Variants in NIBAN2 observed in about 807,000 individuals in gnomAD.
NIBAN2 encodes the protein niban apoptosis regulator 2, also known as protein Niban 2.
NIBAN2 carries 36 observed loss-of-function variants against 81.8 expected under a neutral mutation model. The ratio of observed to expected loss-of-function variants is 0.44; its 90% CI spans 0.34 to 0.58. NIBAN2 has a LOEUF of 0.58. Among genes scored for constraint, NIBAN2 ranks in the 20% least tolerant of loss-of-function variants. NIBAN2 has a pLI of 0.02. For synonymous variants in NIBAN2, 445 were observed against 441.6 expected, an observed-to-expected ratio of 1.01 and a Z score of -0.10; for missense variants, 897 against 1,014.1, an observed-to-expected ratio of 0.88 and a Z score of 1.57.
At chr9:127,569,298 C>T (rs1321197130), upstream of NIBAN2, among the ~76,000 whole-genome samples, 1 of 149,750 alleles carries the variant, frequency 6.7e-6, no homozygotes, top group East Asian at 2.0e-4. Flanking sequence ...CTCCGGCGGG[C>T]GGGGCACAGG....
At chr9:127,574,666 G>GA (rs1049671322) in intron 1 of NIBAN2, among the ~76,000 whole-genome samples, 9 of 151,732 alleles carry the variant, frequency 5.9e-5, no homozygotes, top group East Asian at 1.9e-4. Flanking sequence ...TAGACCAGGA[G>GA]AAAAAAAACA....
intron 1 of NIBAN2, among the ~76,000 whole-genome samples, chr9:127,567,696 G>T (rs897585465): frequency 6.6e-5 from 10 of 152,318 alleles, no homozygotes; most frequent in Non-Finnish European, 1.3e-4. Flanking sequence ...AAGTGCAGGC[G>T]GACGCGGTGC....
chr9:127,565,946 T>TCTCTCTCACACA (rs751937125), intron 1 of NIBAN2, among the ~76,000 whole-genome samples: 17 of 130,616 alleles, frequency 1.3e-4, no homozygotes, highest in African/African-American at 4.8e-4. Flanking sequence ...TCTCTCTCTC[T>TCTCTCTCACACA]CACACACACA....
At chr9:127,539,570 C>A (rs1479949665) in intron 1 of NIBAN2, among the ~76,000 whole-genome samples, 1 of 152,206 alleles carries the variant, frequency 6.6e-6, no homozygotes, top group Non-Finnish European at 1.5e-5. Context: ...CTTCTTCATC[C>A]TCACTGGGCC....
chr9:127,512,475 C>T (rs916525234), intron 8 of NIBAN2, among the ~76,000 whole-genome samples: 3 of 152,094 alleles, frequency 2.0e-5, no homozygotes, highest in African/African-American at 7.2e-5. Flanking sequence ...TTAATAGAGA[C>T]GGGGTTTCAC....
At chr9:127,539,811 C>A (rs564983788) in intron 1 of NIBAN2, among the ~76,000 whole-genome samples, 35 of 152,348 alleles carry the variant, frequency 2.3e-4, no homozygotes, top group South Asian at 2.3e-3. Flanking sequence ...CCATCACCTG[C>A]AAACAGGGCA....
At chr9:127,522,154 C>G (rs1836956834) in intron 5 of NIBAN2, among the ~76,000 whole-genome samples, 1 of 152,224 alleles carries the variant, frequency 6.6e-6, no homozygotes, top group Admixed American at 6.5e-5. Flanking sequence ...TCCCCGGGAC[C>G]TGGGAACAGG....
At chr9:127,524,972 A>G (rs1356723138) in intron 4 of NIBAN2, 86 bp downstream of exon 4, 2 of 1,003,160 alleles carry the variant, frequency 2.0e-6, no homozygotes, top group Non-Finnish European at 3.1e-6. Context: ...ATGGGGCTGA[A>G]AGCAATGGGC....
chr9:127,508,479 C>A lies in NIBAN2; in HGVS notation c.1377G>T (p.Gly459=). 6.2e-7 allele frequency: 1 copy of A among 1,613,826 alleles called. No individual in the cohort carries two copies. The highest frequency in any genetic ancestry group is 8.5e-7 in the Non-Finnish European group (1 of 1,179,988). The change falls in exon 11 of 14, where the codon GGG becomes GGT. Residue 459 remains glycine (G), a synonymous_variant. Transcript: ENST00000373312. This position sits in a 1 kb window ranked among gnomAD's most constrained non-coding sequence, Gnocchi z 6.4. Reference sequence around the variant, plus strand: ...ACTTGCACAGCTCCTCCTTGGTGGGCCCCTTCCCCAGCTCCTGGTGCAGGA... The same window carrying A: ...ACTTGCACAGCTCCTCCTTGGTGGGACCCTTCCCCAGCTCCTGGTGCAGGA... The part of the protein sequence containing the change: ...ETLLHQELGK[G]PTKEELCKSI...
intron 1 of NIBAN2, among the ~76,000 whole-genome samples, chr9:127,551,536 T>TAAAA (rs200469899): frequency 2.1e-5 from 3 of 143,152 alleles, no homozygotes; most frequent in Non-Finnish European, 3.1e-5. Flanking sequence ...AATAAATAAA[T>TAAAA]AAAAATATAA....
Position 127,507,480 on chromosome 9 carries a change from C to G in NIBAN2, c.1655-49G>C. 7.1e-7 allele frequency: 1 copy of G among 1,412,334 alleles called. No homozygotes were observed. Among genetic ancestry groups the G allele is most frequent in the Middle Eastern group, 2.1e-4 (1 of 4,780 alleles). 87.5% of individuals were successfully genotyped at this position (1,412,334 alleles called of 1,614,324 possible). ...CAGGACACAGCACTGATCCCACAGC[C>G]GCCCCTGTGCTGGACTCTGCTCAAA... On this transcript the variant is annotated intron_variant, in intron 13 of 13. Transcript: ENST00000373312. This position sits in a 1 kb window ranked among gnomAD's most constrained non-coding sequence, Gnocchi z 6.8.
chr9:127,520,387 G>A lies in NIBAN2; in HGVS notation c.590-2446C>T, dbSNP rs558805758. On this transcript the variant is annotated intron_variant, in intron 5 of 13. Transcript: ENST00000373312. ...CAAGTAGCTGGGACTATAGGCACCC[G>A]CCACCATGTCCAGCTAATTTTTGTA... is the stretch of plus-strand genomic sequence containing the variant. Among the ~76,000 whole-genome samples, 205 of 151,908 alleles carry A rather than the reference G, an allele frequency of 1.3e-3. 2 individuals are homozygous for A. The highest frequency in any genetic ancestry group is 3.7e-3 in the Admixed American group (56 of 15,268).
At chr9:127,568,791 G>T in intron 1 of NIBAN2, 29 bp downstream of exon 1, 1 of 1,290,238 alleles carries the variant, frequency 7.8e-7, no homozygotes, top group Non-Finnish European at 9.8e-7. Flanking sequence ...GCAGGCCCCT[G>T]GGCGCGCGTG....
chr9:127,552,684 G>T (rs1024666330), intron 1 of NIBAN2, among the ~76,000 whole-genome samples: 12 of 98,004 alleles, frequency 1.2e-4, no homozygotes, highest in East Asian at 3.8e-4. Context: ...TGGAATATTC[G>T]TTTTTTTTTT....
chr9:127,517,981 G>T lies in NIBAN2; in HGVS notation c.590-40C>A. ...GAGGGAGAGAGGAGGTCAGCAGATGGCCCAGTGGCCTCTACCAAGACCAAC... is the reference window on the plus strand; with the variant it reads ...GAGGGAGAGAGGAGGTCAGCAGATGTCCCAGTGGCCTCTACCAAGACCAAC... On this transcript the variant is annotated intron_variant, in intron 5 of 13. Transcript: ENST00000373312. The surrounding 1 kb of genome is among the most constrained non-coding windows in gnomAD (Gnocchi z 4.0). The T allele has an allele frequency of 7.3e-7, 1 of 1,374,006 alleles. No homozygotes were observed. Among genetic ancestry groups the T allele is most frequent in the Non-Finnish European group, 1.0e-6 (1 of 997,522 alleles). 85.1% of individuals were successfully genotyped at this position (1,374,006 alleles called of 1,614,324 possible).
upstream of NIBAN2, among the ~76,000 whole-genome samples, chr9:127,572,891 TA>T (rs2132247185): frequency 2.0e-5 from 3 of 151,892 alleles, no homozygotes; most frequent in East Asian, 5.8e-4. Flanking sequence ...AATAATTTTT[TA>T]AAAAAATTAG....
chr9:127,538,538 A>G (rs1004998844), intron 1 of NIBAN2, among the ~76,000 whole-genome samples: 2 of 151,574 alleles, frequency 1.3e-5, no homozygotes, highest in Admixed American at 6.6e-5. Flanking sequence ...GAGGCAGGAG[A>G]ATCACTTCAA....
intron 8 of NIBAN2, among the ~76,000 whole-genome samples, chr9:127,514,141 T>A (rs141965689): frequency 5.9e-4 from 90 of 152,004 alleles, no homozygotes; most frequent in African/African-American, 1.9e-3. Context: ...TGGTGGTATG[T>A]GCCTGTAATC....
rs1033191011 is a variant in NIBAN2 at position 127,505,864 on chromosome 9, C to G, written c.*981G>C. On this transcript the variant is annotated 3_prime_UTR_variant, in exon 14 of 14. Coordinates refer to ENST00000373312, the MANE Select transcript of NIBAN2 (RefSeq NM_022833.4). Reference sequence around the variant, plus strand: ...AGGCAGCAGAGGCCAAAGCCTGACCCCAGACCCTCAGGGAGGGCCCACCCA... The same window carrying G: ...AGGCAGCAGAGGCCAAAGCCTGACCGCAGACCCTCAGGGAGGGCCCACCCA... 3 of 152,394 alleles carry G rather than the reference C, an allele frequency of 2.0e-5. No individual in the cohort carries two copies. The highest frequency in any genetic ancestry group is 4.8e-5 in the African/African-American group (2 of 41,418). The allele number at this position is 152,394 out of a possible 1,614,324, so 9.4% of individuals were successfully genotyped here.
Sources: allele counts gnomAD v4.1 joint callset (sites outside exome capture counted in the v4.1 genomes callset), GRCh38; gene constraint gnomAD v4.1.1; non-coding constraint Gnocchi (gnomAD v3.1); transcripts MANE v1.5; gene names NCBI Gene and HGNC (gene_info 2026-07-23, HGNC 2026-07-21).